Variants in RAPGEF1 observed in about 807,000 individuals in gnomAD.
The protein encoded by RAPGEF1 is CRK SH3-binding GNRP.
A neutral mutation model predicts 143.3 loss-of-function variants in RAPGEF1; 33 were observed. That is an observed-to-expected ratio of 0.23 (90% CI 0.17 to 0.31). The LOEUF is 0.31. Among genes scored for constraint, RAPGEF1 ranks in the 10% least tolerant of loss-of-function variants. RAPGEF1 has a pLI of 1.00. For missense variants in RAPGEF1, 1,199 were observed against 1,645.4 expected, an observed-to-expected ratio of 0.73 and a Z score of 4.69; for synonymous variants, 629 against 676.5, an observed-to-expected ratio of 0.93 and a Z score of 1.09.
chr9:131,713,246 T>C (rs542378631), intron 1 of RAPGEF1, among the ~76,000 whole-genome samples: 42 of 152,266 alleles, frequency 2.8e-4, no homozygotes, highest in African/African-American at 9.6e-4. Context: ...CCATGTGTTA[T>C]CAAGGTCACT....
chr9:131,615,668 T>A (rs1198718107), intron 12 of RAPGEF1, among the ~76,000 whole-genome samples: 1 of 152,072 alleles, frequency 6.6e-6, no homozygotes, highest in Non-Finnish European at 1.5e-5. Flanking sequence ...ATTCTAAGTG[T>A]TTACATTTGA....
intron 5 of RAPGEF1, among the ~76,000 whole-genome samples, chr9:131,632,192 G>A (rs558308400): frequency 1.3e-5 from 2 of 151,458 alleles, no homozygotes; most frequent in South Asian, 2.1e-4. Context: ...GCAGTGGTGC[G>A]ATCTCAGCTC....
At chr9:131,719,235 A>T (rs147948315) in intron 1 of RAPGEF1, among the ~76,000 whole-genome samples, 42 of 152,312 alleles carry the variant, frequency 2.8e-4, no homozygotes, top group African/African-American at 1.0e-3. Flanking sequence ...AAGGCACAAT[A>T]TACATTCAGA....
chr9:131,594,424 T>C (rs1025979709), intron 17 of RAPGEF1, among the ~76,000 whole-genome samples: 13 of 152,208 alleles, frequency 8.5e-5, no homozygotes, highest in Admixed American at 2.6e-4. Context: ...CCTTCTCCCA[T>C]GCAGGTCCTG....
chr9:131,694,922 A>G (rs1351000618), intron 1 of RAPGEF1, among the ~76,000 whole-genome samples: 1 of 149,120 alleles, frequency 6.7e-6, no homozygotes, highest in Admixed American at 6.7e-5. Context: ...AACATTAGGT[A>G]TATCTCCTAA....
chr9:131,642,671 T>A (rs1200923328), intron 4 of RAPGEF1, among the ~76,000 whole-genome samples: 3 of 152,188 alleles, frequency 2.0e-5, no homozygotes, highest in African/African-American at 7.2e-5. Context: ...TCTCCCAGCT[T>A]GTGCTTCTTC....
intron 9 of RAPGEF1, 67 bp from the exon 10 acceptor site, chr9:131,626,489 C>G: frequency 1.4e-6 from 2 of 1,479,304 alleles, no homozygotes; most frequent in Non-Finnish European, 1.8e-6. Context: ...CCAGCTCCCC[C>G]CGCCCGCCTC....
intron 9 of RAPGEF1, 82 bp from the exon 10 acceptor site, chr9:131,626,504 C>T (rs548961468): frequency 8.5e-6 from 12 of 1,414,048 alleles, no homozygotes; most frequent in South Asian, 2.9e-5. Flanking sequence ...CGCCTCTCGC[C>T]GGCTCGCTCA....
In RAPGEF1 at chr9:131,584,026, G is replaced by A. The variant is rs890965553; in HGVS notation, c.3414+285C>T. On this transcript the variant is annotated intron_variant, in intron 24 of 26. Coordinates refer to ENST00000683357, the MANE Select transcript of RAPGEF1 (RefSeq NM_001377935.1). The surrounding 1 kb of genome is among the most constrained non-coding windows in gnomAD (Gnocchi z 6.8). ...TCAGAAGAACGGGCTGAGGGCGGGC[G>A]GGGGAGGCGGGAACCCAGGGATGGG... is the stretch of plus-strand genomic sequence containing the variant. Among the ~76,000 whole-genome samples the A allele has an allele frequency of 3.9e-5, 6 of 152,198 alleles. No homozygotes were observed. Among genetic ancestry groups the A allele is most frequent in the East Asian group, 1.9e-4 (1 of 5,184 alleles).
At chr9:131,685,826 G>C (rs1488275205) in intron 1 of RAPGEF1, among the ~76,000 whole-genome samples, 1 of 152,144 alleles carries the variant, frequency 6.6e-6, no homozygotes, top group Non-Finnish European at 1.5e-5. Flanking sequence ...GGCATATAGT[G>C]GAGTATGGAG....
At chr9:131,708,272 C>A (rs905417144) in intron 1 of RAPGEF1, among the ~76,000 whole-genome samples, 1 of 152,150 alleles carries the variant, frequency 6.6e-6, no homozygotes, top group Non-Finnish European at 1.5e-5. Context: ...CAAATGCTAC[C>A]GCAACTTCTT....
chr9:131,708,345 G>C (rs1303168658), intron 1 of RAPGEF1, among the ~76,000 whole-genome samples: 1 of 152,228 alleles, frequency 6.6e-6, no homozygotes, highest in African/African-American at 2.4e-5. Context: ...ATGCCTGCCA[G>C]CCGGCCGGTC....
At chr9:131,660,394 G>A (rs771329817) in intron 1 of RAPGEF1, among the ~76,000 whole-genome samples, 4 of 151,158 alleles carry the variant, frequency 2.6e-5, no homozygotes, top group Non-Finnish European at 5.9e-5. Context: ...TAACGTAGAC[G>A]GTAAACATTT....
At chr9:131,581,767 T>G (rs1454905079) in intron 25 of RAPGEF1, among the ~76,000 whole-genome samples, 1 of 152,148 alleles carries the variant, frequency 6.6e-6, no homozygotes, top group Non-Finnish European at 1.5e-5. Context: ...TGCAGAGGAC[T>G]TAAGGCCAGA....
chr9:131,619,220 G>C lies in RAPGEF1; in HGVS notation c.1906-14C>G. The C allele has an allele frequency of 7.7e-7, 1 of 1,302,700 alleles. No individual in the cohort carries two copies. The allele number at this position is 1,302,700 out of a possible 1,614,324, so 80.7% of individuals were successfully genotyped here. A position where few individuals can be genotyped will look rare whatever the true frequency, so the allele number is the denominator to read the frequency against. Reference sequence around the variant, plus strand: ...AGCACAGGAGGCCTGCTGGACAGAGGGGAGGAGAGAGAAGGCAGGGAAGGA... The same window carrying C: ...AGCACAGGAGGCCTGCTGGACAGAGCGGAGGAGAGAGAAGGCAGGGAAGGA... On this transcript the variant is annotated splice_polypyrimidine_tract_variant and intron_variant, in intron 11 of 26. Coordinates refer to ENST00000683357, the MANE Select transcript of RAPGEF1 (RefSeq NM_001377935.1).
chr9:131,648,626 T>A (rs1454537373), intron 3 of RAPGEF1, among the ~76,000 whole-genome samples: 4 of 152,204 alleles, frequency 2.6e-5, no homozygotes, highest in Admixed American at 2.0e-4. Context: ...AAAAAATAAC[T>A]GTGGCACAGA....
At chr9:131,690,420 G>C (rs143112187) in intron 1 of RAPGEF1, among the ~76,000 whole-genome samples, 6 of 152,152 alleles carry the variant, frequency 3.9e-5, no homozygotes, top group Admixed American at 2.6e-4. Flanking sequence ...ATGTTTGATC[G>C]AGCTAAAATT....
intron 1 of RAPGEF1, among the ~76,000 whole-genome samples, chr9:131,691,498 C>T (rs1272124130): frequency 6.6e-6 from 1 of 152,106 alleles, no homozygotes; most frequent in Non-Finnish European, 1.5e-5. Flanking sequence ...TATAATGAAC[C>T]CTCATCAGAT....
At position 131,577,990 on chromosome 9, in the gene RAPGEF1, T is replaced by C. The variant is rs907380051; in HGVS notation, c.*1507A>G. 1 of 152,226 alleles carries C rather than the reference T, an allele frequency of 6.6e-6. No individual in the cohort carries two copies. Among genetic ancestry groups the C allele is most frequent in the Non-Finnish European group, 1.5e-5 (1 of 68,032 alleles). 9.4% of individuals were successfully genotyped at this position (152,226 alleles called of 1,614,324 possible). ...AAAAAAAACCTAAATGATCAACAGA[T>C]GTTGCTTTCTATATTTTTCCTTTGT... On this transcript the variant is annotated 3_prime_UTR_variant, in exon 27 of 27. Coordinates refer to ENST00000683357, the MANE Select transcript of RAPGEF1 (RefSeq NM_001377935.1).
Sources: gnomAD v4.1 joint callset for allele counts (sites outside exome capture counted in the v4.1 genomes callset) on GRCh38, gnomAD v4.1.1 for gene constraint, Gnocchi (gnomAD v3.1) non-coding constraint, MANE v1.5 for transcripts, NCBI Gene and HGNC (gene_info 2026-07-23, HGNC 2026-07-21) for gene names.